Variants in RXRA observed in about 807,000 individuals in gnomAD.
The protein encoded by RXRA is retinoid X receptor alpha, also known as retinoic acid receptor RXR-alpha.
A neutral mutation model predicts 44.5 loss-of-function variants in RXRA; 5 were observed. The observed-to-expected ratio is 0.11, with a 90% CI of 0.06 to 0.24. The LOEUF (loss-of-function observed/expected upper bound fraction) is 0.24, where lower values mean the gene tolerates loss of function less well. RXRA is among the 10% of genes least tolerant of loss of function. The pLI, the probability that RXRA is intolerant of heterozygous loss-of-function variation, is 1.00. For missense variants in RXRA, 412 were observed against 646.5 expected (o/e 0.64, Z 3.93); for synonymous variants, 291 against 271.4 (o/e 1.07, Z -0.71).
chr9:134,326,866 G>A (rs1297040255), intron 1 of RXRA, among the ~76,000 whole-genome samples: 2 of 146,402 alleles, frequency 1.4e-5, no homozygotes, highest in Non-Finnish European at 3.0e-5. Context: ...GGCGGGGCTG[G>A]GCAGCGGGCG....
rs949837961 is a variant in RXRA, at chr9:134,425,538, C to T, written c.911-3570C>T. 7.3e-5 allele frequency: 56 copies of T among 762,964 alleles called. No individual in the cohort carries two copies. In the Admixed American group the frequency reaches 1.8e-3, roughly 25 times the overall value. The allele number at this position is 762,964 out of a possible 1,614,324, so 47.3% of individuals were successfully genotyped here. On this transcript the variant is annotated intron_variant, in intron 6 of 9. Coordinates refer to ENST00000481739, the MANE Select transcript of RXRA (RefSeq NM_002957.6). Reference sequence around the variant, plus strand: ...GGTTGCACAGGCACCTCCTGCGTGGCGGCAGGGTGGGGGGTGGGGGGGGGT... The same window carrying T: ...GGTTGCACAGGCACCTCCTGCGTGGTGGCAGGGTGGGGGGTGGGGGGGGGT...
intron 1 of RXRA, among the ~76,000 whole-genome samples, chr9:134,358,249 C>A (rs112550333): frequency 6.6e-6 from 1 of 152,206 alleles, no homozygotes; most frequent in Non-Finnish European, 1.5e-5. Flanking sequence ...CTCTGGCTCA[C>A]GAGCCAGGAG....
At chr9:134,401,136 T>C (rs1830952291) in intron 1 of RXRA, among the ~76,000 whole-genome samples, 1 of 152,204 alleles carries the variant, frequency 6.6e-6, no homozygotes, top group African/African-American at 2.4e-5. Context: ...AATCCACGAA[T>C]TTACCCACGC....
intron 1 of RXRA, among the ~76,000 whole-genome samples, chr9:134,337,909 G>A (rs1830030810): frequency 6.6e-6 from 1 of 152,158 alleles, no homozygotes; most frequent in Non-Finnish European, 1.5e-5. Flanking sequence ...TTCAGTTCAG[G>A]TGGCCGCGTG....
chr9:134,330,353 A>G (rs1317219425), intron 1 of RXRA, among the ~76,000 whole-genome samples: 1 of 152,276 alleles, frequency 6.6e-6, no homozygotes, highest in East Asian at 1.9e-4. Context: ...GTGTTTTCAT[A>G]GGAATTGGCC....
At chr9:134,415,420 C>G (rs1306406673) in intron 4 of RXRA, among the ~76,000 whole-genome samples, 1 of 132,652 alleles carries the variant, frequency 7.5e-6, no homozygotes, top group Admixed American at 8.3e-5. Context: ...GTGCCACAGG[C>G]ACAGATATGT....
chr9:134,379,115 C>T (rs769005050), intron 1 of RXRA, among the ~76,000 whole-genome samples: 11 of 152,298 alleles, frequency 7.2e-5, no homozygotes, highest in African/African-American at 2.2e-4. Context: ...TGGGGCCACC[C>T]GGCTCCTCCA....
chr9:134,364,841 G>C lies in RXRA; in HGVS notation c.29-36791G>C, dbSNP rs147578138. Among the ~76,000 whole-genome samples, 1,365 of 152,340 alleles carry C rather than the reference G, an allele frequency of 9.0e-3. 15 individuals carry two copies. The highest frequency in any genetic ancestry group is 0.014 in the Non-Finnish European group (931 of 68,034). ...GCTGGGTCCCTAGTGTTGGTGGCTGGGGGAGAGGAGCCAGGAGCGTGGACT... is the reference window on the plus strand; with the variant it reads ...GCTGGGTCCCTAGTGTTGGTGGCTGCGGGAGAGGAGCCAGGAGCGTGGACT... On this transcript the variant is annotated intron_variant, in intron 1 of 9. Transcript: ENST00000481739.
Position 134,401,875 on chromosome 9 carries a change from G to A in RXRA, c.272G>A (p.Ser91Asn). Reference sequence around the variant, plus strand: ...CCCACCCTGGGCTTCAGCACTGGCAGCCCCCAGGTGAGTGCGGGGCTGGGG... The same window carrying A: ...CCCACCCTGGGCTTCAGCACTGGCAACCCCCAGGTGAGTGCGGGGCTGGGG... ...TTPTLGFSTG[S>N]PQLSSPMNPV... Residue 91 changes from serine to asparagine, a missense_variant, in exon 2 of 10, where the codon AGC becomes AAC. Coordinates refer to ENST00000481739, the MANE Select transcript of RXRA (RefSeq NM_002957.6). 1 of 1,606,736 alleles carries A rather than the reference G, an allele frequency of 6.2e-7. No individual in the cohort carries two copies. The highest frequency in any genetic ancestry group is 8.5e-7 in the Non-Finnish European group (1 of 1,175,778).
At chr9:134,423,150 G>A (rs1831376272) in intron 6 of RXRA, 2 of 985,334 alleles carry the variant, frequency 2.0e-6, no homozygotes, top group South Asian at 9.4e-5. Context: ...GCTGACTGGG[G>A]CTGGTTCTTG....
At chr9:134,370,498 A>G (rs1408849446) in intron 1 of RXRA, among the ~76,000 whole-genome samples, 1 of 152,242 alleles carries the variant, frequency 6.6e-6, no homozygotes, top group East Asian at 1.9e-4. Flanking sequence ...CCTCTACAGG[A>G]CAAGGCCAAG....
At chr9:134,345,523 G>A (rs1205636160) in intron 1 of RXRA, among the ~76,000 whole-genome samples, 2 of 152,202 alleles carry the variant, frequency 1.3e-5, no homozygotes, top group African/African-American at 4.8e-5. Context: ...AAGGCCACAG[G>A]CAGGACGGGG....
At chr9:134,402,067 G>C (rs1588289212) in intron 2 of RXRA, 185 bp downstream of exon 2, 11 of 595,108 alleles carry the variant, frequency 1.8e-5, no homozygotes, top group Non-Finnish European at 2.0e-5. Context: ...AGGTGGGGCT[G>C]ACTGCTGAGC....
At chr9:134,378,720 C>T (rs539591623) in intron 1 of RXRA, among the ~76,000 whole-genome samples, 6 of 152,256 alleles carry the variant, frequency 3.9e-5, no homozygotes, top group South Asian at 2.1e-4. Context: ...GCGTGCCGTC[C>T]GGTTGCTCCC....
Position 134,427,066 on chromosome 9 carries a change from TC to T in RXRA, c.911-2038del, listed in dbSNP as rs1831445833. ...CTCTGTGTGATTTGGGGCAAACCCT[TC>T]CCCTCCCTGGGCCACAGATTACCCA... On this transcript the variant is annotated intron_variant, in intron 6 of 9. Coordinates refer to ENST00000481739, the MANE Select transcript of RXRA (RefSeq NM_002957.6). The T allele has an allele frequency of 4.1e-6, 4 of 980,166 alleles. No individual in the cohort carries two copies. In the Admixed American group the frequency reaches 1.8e-4, roughly 45 times the overall value. The allele number at this position is 980,166 out of a possible 1,614,324, so 60.7% of individuals were successfully genotyped here. A position where few individuals can be genotyped will look rare whatever the true frequency, so the allele number is the denominator to read the frequency against.
rs549081514 is a variant in RXRA, at chr9:134,438,223, C to A, written c.*1609C>A. ...TGATGCGGGGGGGTGGACGCCTTCT[C>A]CATAGTCTTTCCCCACCTGGAGCAG... On this transcript the variant is annotated 3_prime_UTR_variant, in exon 10 of 10. Coordinates refer to ENST00000481739, the MANE Select transcript of RXRA (RefSeq NM_002957.6). The A allele has an allele frequency of 6.6e-6, 1 of 152,382 alleles. No individual in the cohort carries two copies. The highest frequency in any genetic ancestry group is 1.5e-5 in the Non-Finnish European group (1 of 68,102). 9.4% of individuals were successfully genotyped at this position (152,382 alleles called of 1,614,324 possible). A position where few individuals can be genotyped will look rare whatever the true frequency, so the allele number is the denominator to read the frequency against.
chr9:134,388,286 T>TGTGTGTGTGTGTGTGTGAGA (rs71381810), intron 1 of RXRA, among the ~76,000 whole-genome samples: 7 of 150,888 alleles, frequency 4.6e-5, no homozygotes, highest in African/African-American at 9.8e-5. Context: ...AGAAGCAGTG[T>TGTGTGTGTGTGTGTGTGAGA]GTGTGTGAGT....
At chr9:134,421,608 C>G (rs1037629056) in intron 5 of RXRA, 68 bp from the exon 6 acceptor site, 1 of 1,504,074 alleles carries the variant, frequency 6.6e-7, no homozygotes, top group Middle Eastern at 1.8e-4. Flanking sequence ...AGGGCCTGGT[C>G]TGGGCTGTGT....
intron 1 of RXRA, among the ~76,000 whole-genome samples, chr9:134,344,402 G>A (rs1265826698): frequency 3.9e-5 from 6 of 152,190 alleles, no homozygotes; most frequent in African/African-American, 1.2e-4. Context: ...TTGGGGTCCC[G>A]CCCCTTTGCT....
Sources: allele counts gnomAD v4.1 joint callset (sites outside exome capture counted in the v4.1 genomes callset), GRCh38; gene constraint gnomAD v4.1.1; transcripts MANE v1.5; gene names NCBI Gene and HGNC (gene_info 2026-07-23, HGNC 2026-07-21).